ZNF571: variants seen among roughly 807,000 people sequenced by gnomAD.
ZNF571 encodes the protein zinc finger protein 571.
In ZNF571, 4 loss-of-function variants were observed where a neutral mutation model predicts 7.7. That is an observed-to-expected ratio of 0.52 (90% CI 0.25 to 1.18). The LOEUF (loss-of-function observed/expected upper bound fraction) is 1.18. ZNF571 is among the 50% of genes most tolerant of loss of function. ZNF571 has a pLI of 0.14. For synonymous variants in ZNF571, 251 were observed against 232.4 expected (o/e 1.08, Z -0.73); for missense variants, 704 against 726.9 (o/e 0.97, Z 0.36).
At chr19:37,587,878 G>A (rs1319252258) in intron 1 of ZNF571, among the ~76,000 whole-genome samples, 3 of 151,840 alleles carry the variant, frequency 2.0e-5, no homozygotes, top group Non-Finnish European at 2.9e-5. Context: ...CAGGGAGGCC[G>A]AGGCAGGCAG....
At position 37,566,303 on chromosome 19, in the gene ZNF571, A is replaced by G. The variant is rs2042857440; in HGVS notation, c.137-12T>C. ...ACTGGATTCCAAGTCTGTAGAATAA[A>G]AAGAAAGCAAATTCCTGCTTTTGTT... On this transcript the variant is annotated splice_polypyrimidine_tract_variant and intron_variant, in intron 3 of 3. Coordinates refer to ENST00000451802, the MANE Select transcript of ZNF571 (RefSeq NM_016536.5). The G allele has an allele frequency of 1.9e-6, 3 of 1,571,042 alleles. No individual in the cohort carries two copies. Among genetic ancestry groups the G allele is most frequent in the Non-Finnish European group, 2.6e-6 (3 of 1,162,628 alleles).
intron 3 of ZNF571, among the ~76,000 whole-genome samples, chr19:37,581,709 C>T (rs1215832643): frequency 1.3e-5 from 2 of 151,798 alleles, no homozygotes; most frequent in African/African-American, 2.4e-5. Flanking sequence ...GCAATTCACC[C>T]ACCTCAGCCT....
At chr19:37,566,845 T>C (rs1467220235) in intron 3 of ZNF571, among the ~76,000 whole-genome samples, 1 of 152,214 alleles carries the variant, frequency 6.6e-6, no homozygotes, top group East Asian at 1.9e-4. Flanking sequence ...CTATTAATGG[T>C]CTGCCATCTC....
chr19:37,566,421 C>T, intron 3 of ZNF571, 130 bp from the exon 4 acceptor site: 1 of 1,088,406 alleles, frequency 9.2e-7, no homozygotes, highest in Non-Finnish European at 1.3e-6. Context: ...GAAATATTTT[C>T]TGCCATTTTT....
intron 3 of ZNF571, chr19:37,575,508 A>G (rs979753382): frequency 1.3e-5 from 2 of 152,218 alleles, no homozygotes; most frequent in Non-Finnish European, 2.9e-5. Context: ...ATTACCGCCA[A>G]CAGGATTTCT....
intron 1 of ZNF571, among the ~76,000 whole-genome samples, chr19:37,589,837 C>T (rs148400672): frequency 6.5e-4 from 73 of 111,772 alleles, no homozygotes; most frequent in Middle Eastern, 9.1e-3. Context: ...TGCACTCCAG[C>T]CTGGGCAACA....
Position 37,565,634 on chromosome 19 carries a change from T to C in ZNF571, c.794A>G (p.Gln265Arg). Residue 265 changes from glutamine (Q) to arginine (R), a missense_variant, in exon 4 of 4, where the codon CAA (glutamine) becomes CGA (arginine). Physicochemically the swap from Gln to Arg is conservative, Grantham distance 43 (BLOSUM62 1). Transcript: ENST00000451802. ...KCGKAFSYCS[Q>R]YTLHQRIHSG... ...ATGAATTCTCTGATGAAGAGTATATTGTGAACAATAACTAAAGGCTTTTCC... is the reference window on the plus strand; with the variant it reads ...ATGAATTCTCTGATGAAGAGTATATCGTGAACAATAACTAAAGGCTTTTCC... The C allele has an allele frequency of 1.9e-6, 3 of 1,613,494 alleles. No individual in the cohort carries two copies. Among genetic ancestry groups the C allele is most frequent in the Admixed American group, 1.7e-5 (1 of 59,920 alleles).
chr19:37,575,086 C>T (rs973115208), intron 3 of ZNF571, among the ~76,000 whole-genome samples: 3 of 152,178 alleles, frequency 2.0e-5, no homozygotes, highest in Non-Finnish European at 4.4e-5. Flanking sequence ...AATAACAAAA[C>T]TAGAACCTCA....
At chr19:37,586,521 T>C (rs1236880385) in intron 2 of ZNF571, 147 bp downstream of exon 2, 8 of 821,812 alleles carry the variant, frequency 9.7e-6, no homozygotes, top group African/African-American at 1.7e-5. Context: ...ATTGGGCTCT[T>C]TGCTACTATT....
At chr19:37,590,177 C>T (rs995789705) in intron 1 of ZNF571, among the ~76,000 whole-genome samples, 12 of 151,866 alleles carry the variant, frequency 7.9e-5, no homozygotes, top group South Asian at 2.1e-4. Context: ...GAGGCCAAGG[C>T]GGGTGGATCA....
In ZNF571 at chr19:37,576,253, C is replaced by G. The variant is rs142151955; in HGVS notation, c.136+7718G>C. 1.5e-3 allele frequency among the ~76,000 whole-genome samples: 232 copies of G among 152,208 alleles called. 2 individuals carry two copies. Among genetic ancestry groups the G allele is most frequent in the African/African-American group, 5.4e-3 (226 of 41,510 alleles). The stretch of plus-strand genomic sequence containing the variant: ...TGAGAGAGAATTTTCCACATATAAG[C>G]TAATGTAGCTTAATTCACAAAGCAA... On this transcript the variant is annotated intron_variant, in intron 3 of 3. Transcript: ENST00000451802.
intron 3 of ZNF571, among the ~76,000 whole-genome samples, chr19:37,578,533 CTG>C (rs2043326397): frequency 6.6e-6 from 1 of 152,214 alleles, no homozygotes; most frequent in African/African-American, 2.4e-5. Context: ...CCCCGGATCC[CTG>C]AGCAGCTTGG....
rs765044288 is a variant in ZNF571, at chr19:37,565,752, T to TA, written c.675dup (p.Asn226Ter). The TA allele has an allele frequency of 3.7e-6, 6 of 1,613,732 alleles. No homozygotes were observed. Among genetic ancestry groups the TA allele is most frequent in the South Asian group, 3.3e-5 (3 of 91,076 alleles). On this transcript the variant is annotated frameshift_variant, in exon 4 of 4. Coordinates refer to ENST00000451802, the MANE Select transcript of ZNF571 (RefSeq NM_016536.5). LOFTEE classifies it low-confidence loss of function (END_TRUNC). ...CGAATAAAAGCTTTCCCACATGCGT[T>TA]ACACTGATAAGGTTTTTCATTAGTA...
chr19:37,565,050 C>A lies in ZNF571; in HGVS notation c.1378G>T (p.Ala460Ser), dbSNP rs1277872739. The A allele has an allele frequency of 6.2e-7, 1 of 1,613,172 alleles. No homozygotes were observed. Among genetic ancestry groups the A allele is most frequent in the Non-Finnish European group, 8.5e-7 (1 of 1,179,690 alleles). ...ATTTTCTCATGTTGAGTAAGATATG[C>A]AACACGAATAAAGGCCTTTCCACAT... is the stretch of plus-strand genomic sequence containing the variant. ...KECGKAFIRV[A>S]YLTQHEKIHG... Residue 460 changes from alanine (A) to serine (S), a missense_variant, in exon 4 of 4, where the codon GCA (alanine) becomes TCA (serine). Ala to Ser is a moderately conservative substitution (Grantham distance 99, BLOSUM62 1). Transcript: ENST00000451802.
intron 3 of ZNF571, among the ~76,000 whole-genome samples, chr19:37,578,054 ACGGATCTAG>A (rs1568351710): frequency 2.0e-5 from 3 of 152,136 alleles, no homozygotes; most frequent in African/African-American, 7.2e-5. Context: ...TGTGCACAGG[ACGGATCTAG>A]GTTGCGGGCT....
intron 3 of ZNF571, chr19:37,583,761 G>C (rs1600520520): frequency 2.2e-6 from 1 of 461,956 alleles, no homozygotes; most frequent in East Asian, 3.8e-5. Context: ...TAGTCCATTG[G>C]CATCAAAGAA....
rs760556774 is a variant in ZNF571, at chr19:37,584,013, T to C, written c.94A>G (p.Arg32Gly). 9.9e-6 allele frequency: 16 copies of C among 1,613,882 alleles called. No homozygotes were observed. The highest frequency in any genetic ancestry group is 1.4e-5 in the Non-Finnish European group (16 of 1,179,930). The change falls in exon 3 of 4, where the codon AGG becomes GGG. Residue 32 changes from arginine (R) to glycine (G), a missense_variant. By Grantham distance (125) the Arg-to-Gly change is moderately radical (BLOSUM62 -2). Coordinates refer to ENST00000451802, the MANE Select transcript of ZNF571 (RefSeq NM_016536.5). ...CLDPAQRDLY[R>G]DVMLENYSNL... is the part of the protein sequence containing the mutation. ...CTGTAGTTCTCCAACATCACATCCC[T>C]GTACAAGTCCCTCTGAGCAGGGTCC...
chr19:37,566,971 A>G (rs1429822686), intron 3 of ZNF571, among the ~76,000 whole-genome samples: 1 of 150,986 alleles, frequency 6.6e-6, no homozygotes, highest in African/African-American at 2.4e-5. Context: ...ATCACTTACC[A>G]CTCCCCTAAT....
At chr19:37,594,276 T>G (rs1045210006) in intron 1 of ZNF571, 3 of 152,256 alleles carry the variant, frequency 2.0e-5, no homozygotes, top group Non-Finnish European at 2.9e-5. Context: ...CTTAATGATG[T>G]CCGTGTCACA....
Sources: gnomAD v4.1 joint callset for allele counts (sites outside exome capture counted in the v4.1 genomes callset) on GRCh38, gnomAD v4.1.1 for gene constraint, MANE v1.5 for transcripts, NCBI Gene and HGNC (gene_info 2026-07-23, HGNC 2026-07-21) for gene names.